The following PSMA6 variants were observed in gnomAD, a reference collection of about 807,000 sequenced individuals.
PSMA6 encodes the protein proteasome 20S subunit alpha 6.
For missense variants in PSMA6, 170 were observed against 294.8 expected, an observed-to-expected ratio of 0.58 and a Z score of 3.10; for synonymous variants, 88 against 97.7, an observed-to-expected ratio of 0.90 and a Z score of 0.59.
At position 35,317,383 on chromosome 14, in the gene PSMA6, TC is replaced by T. The variant is rs952948306; in HGVS notation, c.*80del. 2.3e-6 allele frequency: 3 copies of T among 1,320,846 alleles called. No individual in the cohort carries two copies. In the African/African-American group the frequency reaches 4.4e-5, roughly 19 times the overall value. The allele number at this position is 1,320,846 out of a possible 1,614,324, so 81.8% of individuals were successfully genotyped here. On this transcript the variant is annotated 3_prime_UTR_variant, in exon 7 of 7. Coordinates refer to ENST00000261479, the MANE Select transcript of PSMA6 (RefSeq NM_002791.3). Reference sequence around the variant, plus strand: ...TAACAACAAACCAACATCATGGAGGTCCCTGGATTGAAAAAGGAGCCTCTCC... The same window carrying T: ...TAACAACAAACCAACATCATGGAGGTCCTGGATTGAAAAAGGAGCCTCTCC...
intron 2 of PSMA6, chr14:35,308,364 T>A (rs1038551124): frequency 3.7e-6 from 1 of 267,822 alleles, no homozygotes. Context: ...GAGGTTACGG[T>A]GAGCCAGGAT....
chr14:35,311,079 A>G (rs544082299), intron 4 of PSMA6, 184 bp downstream of exon 4: 1 of 556,982 alleles, frequency 1.8e-6, no homozygotes, highest in Admixed American at 3.6e-5. Context: ...GTCGGGCATT[A>G]TCTTTAAGCT....
At chr14:35,280,783 T>G (rs2051358505) in intron 1 of PSMA6, among the ~76,000 whole-genome samples, 1 of 151,352 alleles carries the variant, frequency 6.6e-6, no homozygotes, top group South Asian at 2.1e-4. Flanking sequence ...CAGTAGCTAT[T>G]CACAGTGGTC....
upstream of PSMA6, among the ~76,000 whole-genome samples, chr14:35,288,912 G>A (rs2051448358): frequency 6.6e-6 from 1 of 152,214 alleles, no homozygotes; most frequent in South Asian, 2.1e-4. Context: ...GGCTTTCAGT[G>A]TGGCCCAACA....
At position 35,281,882 on chromosome 14, in the gene PSMA6, C is replaced by G. The variant is rs1193611938; in HGVS notation, c.19+3164C>G. Among the ~76,000 whole-genome samples the G allele has an allele frequency of 3.9e-5, 6 of 152,196 alleles. No individual in the cohort carries two copies. In the East Asian group the frequency reaches 1.2e-3, roughly 29 times the overall value. ...AGGATTACAGGCATCAGCCACTACT[C>G]CTGGCCCTAGGTTACTTTTTCTACC... is the stretch of plus-strand genomic sequence containing the variant. On this transcript the variant is annotated intron_variant, in intron 1 of 6. Coordinates refer to the PSMA6 transcript ENST00000540871.
At chr14:35,290,055 C>T (rs138444281), upstream of PSMA6, among the ~76,000 whole-genome samples, 203 of 151,924 alleles carry the variant, frequency 1.3e-3, no homozygotes, top group South Asian at 5.6e-3. Context: ...GGCAGGAATT[C>T]GCTTGAGAGG....
At chr14:35,310,232 C>G (rs773529357) in intron 3 of PSMA6, 8 of 428,648 alleles carry the variant, frequency 1.9e-5, no homozygotes, top group South Asian at 1.3e-4. Context: ...CTTTGTCGCC[C>G]AGGCTGCTCC....
At chr14:35,292,221 C>T (rs537625495), upstream of PSMA6, 2 of 1,034,212 alleles carry the variant, frequency 1.9e-6, no homozygotes, top group East Asian at 3.5e-5. Flanking sequence ...TCACGTCTAT[C>T]CACTCAAGAG....
At chr14:35,278,563 G>A (rs1220170410), upstream of PSMA6, 5 of 774,824 alleles carry the variant, frequency 6.5e-6, no homozygotes, top group Non-Finnish European at 1.1e-5. Flanking sequence ...AACAGAGAAT[G>A]TCAGTATCCA....
At chr14:35,306,607 C>A (rs536865541) in intron 1 of PSMA6, among the ~76,000 whole-genome samples, 1 of 151,060 alleles carries the variant, frequency 6.6e-6, no homozygotes, top group Non-Finnish European at 1.5e-5. Flanking sequence ...AGGACGAGGC[C>A]GAGGCAGGAG....
At chr14:35,278,863 G>A (rs960660563) in intron 1 of PSMA6, 9 of 846,742 alleles carry the variant, frequency 1.1e-5, no homozygotes, top group South Asian at 1.0e-4. Context: ...GTGTTCCATG[G>A]CTGAGCAGTC....
chr14:35,302,490 A>G (rs763963865), intron 1 of PSMA6, among the ~76,000 whole-genome samples: 1 of 152,190 alleles, frequency 6.6e-6, no homozygotes, highest in East Asian at 1.9e-4. Context: ...ACATTGGACC[A>G]TAATGAATCT....
intron 1 of PSMA6, among the ~76,000 whole-genome samples, chr14:35,299,416 G>C (rs1010051110): frequency 3.7e-4 from 52 of 141,870 alleles, no homozygotes; most frequent in African/African-American, 1.4e-3. Context: ...TCTGTCTCCT[G>C]GGTTCAAGCG....
intron 1 of PSMA6, among the ~76,000 whole-genome samples, chr14:35,306,865 G>A (rs941990324): frequency 1.3e-5 from 2 of 152,006 alleles, no homozygotes; most frequent in Admixed American, 1.3e-4. Flanking sequence ...GTCATATGTT[G>A]GCCTGGCATG....
At chr14:35,280,035 G>T (rs539097222) in intron 1 of PSMA6, among the ~76,000 whole-genome samples, 31 of 152,054 alleles carry the variant, frequency 2.0e-4, no homozygotes, top group African/African-American at 7.5e-4. Context: ...TGAGGCAGGA[G>T]AATGGCGTGA....
At position 35,302,105 on chromosome 14, in the gene PSMA6, G is replaced by T. The variant is rs183413482; in HGVS notation, c.77-5889G>T. Among the ~76,000 whole-genome samples the T allele has an allele frequency of 4.2e-3, 641 of 152,140 alleles. 5 individuals carry two copies. The highest frequency in any genetic ancestry group is 0.015 in the African/African-American group (607 of 41,512). ...CCTCTGCCTGCTTTTGCCATATAAG[G>T]TAACATTCACAGGTTCCAGGGACTA... On this transcript the variant is annotated intron_variant, in intron 1 of 6. Transcript: ENST00000261479.
intron 5 of PSMA6, 77 bp downstream of exon 5, chr14:35,313,136 G>A (rs2051977161): frequency 1.5e-6 from 2 of 1,306,778 alleles, no homozygotes; most frequent in Non-Finnish European, 2.1e-6. Flanking sequence ...TCTATACAAA[G>A]CTATTCCTGA....
At chr14:35,299,577 C>T (rs933456516) in intron 1 of PSMA6, among the ~76,000 whole-genome samples, 1 of 151,620 alleles carries the variant, frequency 6.6e-6, no homozygotes, top group Non-Finnish European at 1.5e-5. Context: ...CCGCCTCGGC[C>T]TCCCAAAGTG....
upstream of PSMA6, among the ~76,000 whole-genome samples, chr14:35,291,659 A>G (rs2051482609): frequency 6.6e-6 from 1 of 152,006 alleles, no homozygotes; most frequent in Non-Finnish European, 1.5e-5. Context: ...CCCCGCCTCT[A>G]CTAAAAATAC....
Sources: allele counts gnomAD v4.1 joint callset (sites outside exome capture counted in the v4.1 genomes callset), GRCh38; gene constraint gnomAD v4.1.1; transcripts MANE v1.5; gene names NCBI Gene and HGNC (gene_info 2026-07-23, HGNC 2026-07-21).